Variants in CEP63 observed in about 807,000 individuals in gnomAD.
CEP63 encodes the protein centrosomal protein 63, also known as centrosomal protein of 63 kDa.
Under a neutral mutation model 89.1 loss-of-function variants are expected in CEP63, and 84 were observed. That is an observed-to-expected ratio of 0.94 (90% CI 0.79 to 1.13). The LOEUF is 1.13. CEP63 is among the 50% of genes most tolerant of loss of function. The pLI, the probability that CEP63 is intolerant of heterozygous loss-of-function variation, is 0.00. For missense variants in CEP63, 838 were observed against 813.3 expected, an observed-to-expected ratio of 1.03 and a Z score of -0.37; for synonymous variants, 267 against 272.5, an observed-to-expected ratio of 0.98 and a Z score of 0.20.
At chr3:134,691,468 T>A in the CEP63 span, among the ~76,000 whole-genome samples, 1 of 149,756 alleles carries the variant, frequency 6.7e-6, no homozygotes, top group Admixed American at 6.7e-5. Context: ...AGCAAAAAAA[T>A]TTAGCTGGGT....
chr3:134,668,032 C>T, the CEP63 span, among the ~76,000 whole-genome samples: 1 of 152,216 alleles, frequency 6.6e-6, no homozygotes, highest in African/African-American at 2.4e-5. Context: ...GGTGACACGT[C>T]CTGGGAGGGG....
chr3:134,698,015 G>A, the CEP63 span, among the ~76,000 whole-genome samples: 1 of 152,204 alleles, frequency 6.6e-6, no homozygotes, highest in African/African-American at 2.4e-5. Context: ...AGGTTGTCCA[G>A]ACATGGAAGA....
the CEP63 span, among the ~76,000 whole-genome samples, chr3:134,762,945 G>A: frequency 1.3e-5 from 2 of 152,090 alleles, no homozygotes; most frequent in East Asian, 3.9e-4. Context: ...TTCTTCCAGG[G>A]GACCCAGAAA....
chr3:134,763,157 G>A, the CEP63 span, among the ~76,000 whole-genome samples: 1 of 151,406 alleles, frequency 6.6e-6, no homozygotes, highest in South Asian at 2.1e-4. Context: ...GTATACATGT[G>A]CTCTGTTGGT....
At chr3:134,608,747 T>G in the CEP63 span, 1 of 1,614,052 alleles carries the variant, frequency 6.2e-7, no homozygotes. Context: ...CCTCAGAGAT[T>G]GAGGAGGTTT....
intron 4 of CEP63, among the ~76,000 whole-genome samples, chr3:134,532,204 A>G (rs1949984974): frequency 6.6e-6 from 1 of 152,196 alleles, no homozygotes; most frequent in Non-Finnish European, 1.5e-5. Context: ...TTTATGTAAT[A>G]CTGTGAAATA....
At chr3:134,734,442 G>A in the CEP63 span, among the ~76,000 whole-genome samples, 6 of 151,992 alleles carry the variant, frequency 3.9e-5, no homozygotes, top group Non-Finnish European at 7.4e-5. Flanking sequence ...TTGTTCTTTG[G>A]AAAGACTACC....
the CEP63 span, among the ~76,000 whole-genome samples, chr3:134,763,969 T>C: frequency 6.6e-6 from 1 of 152,162 alleles, no homozygotes; most frequent in African/African-American, 2.4e-5. Context: ...TTATACTCCC[T>C]GGGTCATAAG....
chr3:134,704,791 G>A, the CEP63 span, among the ~76,000 whole-genome samples: 10 of 152,192 alleles, frequency 6.6e-5, no homozygotes, highest in Admixed American at 3.9e-4. Flanking sequence ...TCTTGGGCTG[G>A]GAACTTCTGC....
chr3:134,619,233 G>A, the CEP63 span: 119 of 1,613,842 alleles, frequency 7.4e-5, 1 homozygote, highest in Admixed American at 9.5e-4. Flanking sequence ...AAGGCTTGGC[G>A]GTCCTTCTCC....
chr3:134,641,781 C>T, the CEP63 span, among the ~76,000 whole-genome samples: 2 of 152,164 alleles, frequency 1.3e-5, no homozygotes, highest in South Asian at 4.1e-4. Flanking sequence ...CCCCCTTATA[C>T]CTTATCTGGC....
At chr3:134,610,431 C>T in the CEP63 span, 2 of 1,532,598 alleles carry the variant, frequency 1.3e-6, no homozygotes, top group Non-Finnish European at 8.9e-7. Context: ...CTGTGGCTTG[C>T]CTCCAAGTCT....
the CEP63 span, chr3:134,615,512 T>C: frequency 1.3e-5 from 2 of 152,084 alleles, no homozygotes; most frequent in East Asian, 3.8e-4. Context: ...AGTTTTAGGA[T>C]ACATGTGCAC....
chr3:134,616,282 A>G, the CEP63 span, among the ~76,000 whole-genome samples: 1 of 152,212 alleles, frequency 6.6e-6, no homozygotes, highest in Non-Finnish European at 1.5e-5. Context: ...TGTTGTGAAA[A>G]TATCTGAATT....
chr3:134,531,881 A>G lies in CEP63; in HGVS notation c.259A>G (p.Lys87Glu), dbSNP rs190958586. The stretch of plus-strand genomic sequence containing the variant: ...GCATCAGCAGGTAGAAGAACATGAA[A>G]AAATCAAGCAAGAGATGACCATGGA... ...MLHQQVEEHE[K>E]IKQEMTMEYK... The change falls in exon 4 of 15, where the codon AAA (lysine) becomes GAA (glutamate). Residue 87 changes from lysine (K) to glutamate (E), a missense_variant. Physicochemically the swap from Lys to Glu is moderately conservative, Grantham distance 56. Coordinates refer to ENST00000675561, the MANE Select transcript of CEP63 (RefSeq NM_001353108.3). 1 of 1,613,718 alleles carries G rather than the reference A, an allele frequency of 6.2e-7. No homozygotes were observed. Among genetic ancestry groups the G allele is most frequent in the African/African-American group, 1.3e-5 (1 of 75,056 alleles).
chr3:134,547,628 T>TTTTTTTTTTTTTTTTTTTTTTTTTTTC (rs1182808443), intron 9 of CEP63, among the ~76,000 whole-genome samples, 156 bp downstream of exon 9: 2 of 122,610 alleles, frequency 1.6e-5, no homozygotes, highest in Admixed American at 8.4e-5. Flanking sequence ...TTTTTTTTTT[T>TTTTTTTTTTTTTTTTTTTTTTTTTTTC]TGAGACGGAG....
At chr3:134,559,539 A>T (rs889334196) in intron 14 of CEP63, 110 bp downstream of exon 14, 12 of 894,676 alleles carry the variant, frequency 1.3e-5, no homozygotes, top group Admixed American at 1.0e-4. Flanking sequence ...TTCTTTTATC[A>T]TAAGTACTCT....
chr3:134,595,133 C>T, the CEP63 span, among the ~76,000 whole-genome samples: 1 of 152,154 alleles, frequency 6.6e-6, no homozygotes, highest in Non-Finnish European at 1.5e-5. Context: ...ATAATCTCCA[C>T]GTGTCATGGG....
intron 10 of CEP63, among the ~76,000 whole-genome samples, chr3:134,580,642 T>C (rs1025739081): frequency 1.3e-5 from 2 of 152,126 alleles, no homozygotes; most frequent in African/African-American, 4.8e-5. Context: ...TGAACACAAA[T>C]GCAAAAGTCA....
Sources: gnomAD v4.1 joint callset for allele counts (sites outside exome capture counted in the v4.1 genomes callset) on GRCh38, gnomAD v4.1.1 for gene constraint, MANE v1.5 for transcripts, NCBI Gene and HGNC (gene_info 2026-07-23, HGNC 2026-07-21) for gene names.